Variants in NEDD9 observed in about 807,000 individuals in gnomAD.
The protein encoded by NEDD9 is enhancer of filamentation 1.
Under a neutral mutation model 76.6 loss-of-function variants are expected in NEDD9, and 26 were observed. The ratio of observed to expected loss-of-function variants is 0.34; its 90% CI spans 0.25 to 0.47. The LOEUF (loss-of-function observed/expected upper bound fraction) is 0.47. NEDD9 is among the 20% of genes least tolerant of loss of function. NEDD9 has a pLI of 1.00. For missense variants in NEDD9, 937 were observed against 1,058.5 expected (o/e 0.89, Z 1.59); for synonymous variants, 392 against 414.2 (o/e 0.95, Z 0.65).
Position 11,185,437 on chromosome 6 carries a change from CCACGAAGATT to C in NEDD9, c.2220_2229del (p.Ile741HisfsTer20). On this transcript the variant is annotated frameshift_variant, in exon 7 of 7. Coordinates refer to ENST00000379446, the MANE Select transcript of NEDD9 (RefSeq NM_006403.4). LOFTEE classifies it high-confidence loss of function. ...CTGAGGATGACAAACTTGCTGTGTG[CCACGAAGATT>C]CGCGGGGGCTGGGCTGAGCTGACAC... 1 of 1,614,218 alleles carries C rather than the reference CCACGAAGATT, an allele frequency of 6.2e-7. No homozygotes were observed. The highest frequency in any genetic ancestry group is 8.5e-7 in the Non-Finnish European group (1 of 1,180,048).
intron 1 of NEDD9, among the ~76,000 whole-genome samples, chr6:11,373,043 A>C (rs1389455572): frequency 6.6e-6 from 1 of 152,208 alleles, no homozygotes; most frequent in Non-Finnish European, 1.5e-5. Flanking sequence ...CAGTTACTTA[A>C]AGCTAACAAA....
chr6:11,296,625 T>TCTTCCTTC (rs199739663), intron 3 of NEDD9, among the ~76,000 whole-genome samples: 1 of 148,022 alleles, frequency 6.8e-6, no homozygotes, highest in East Asian at 2.0e-4. Flanking sequence ...TTCCTTTCTT[T>TCTTCCTTC]CTTCCTTCCT....
chr6:11,300,938 C>G (rs1230247387), intron 3 of NEDD9, among the ~76,000 whole-genome samples: 1 of 152,176 alleles, frequency 6.6e-6, no homozygotes, highest in African/African-American at 2.4e-5. Flanking sequence ...ACCATTGATG[C>G]TATGAAGAAA....
At chr6:11,238,339 C>G (rs1199749285) in intron 3 of NEDD9, among the ~76,000 whole-genome samples, 1 of 152,224 alleles carries the variant, frequency 6.6e-6, no homozygotes, top group Non-Finnish European at 1.5e-5. Flanking sequence ...CTGTGTGGCC[C>G]TGACCATGGA....
chr6:11,331,049 G>A (rs1762026705), intron 2 of NEDD9, among the ~76,000 whole-genome samples: 1 of 152,162 alleles, frequency 6.6e-6, no homozygotes, highest in South Asian at 2.1e-4. Flanking sequence ...ACCTACCCAT[G>A]TTTCTAGAGA....
intron 3 of NEDD9, among the ~76,000 whole-genome samples, chr6:11,272,512 G>A (rs769203290): frequency 1.3e-5 from 2 of 152,238 alleles, no homozygotes; most frequent in Admixed American, 1.3e-4. Context: ...GGTAGGATGT[G>A]TGAGCAAAAG....
In NEDD9 at chr6:11,237,960, T is replaced by C. The variant is rs1041181240; in HGVS notation, c.13-24233A>G. On this transcript the variant is annotated intron_variant, in intron 3 of 3. Coordinates refer to the NEDD9 transcript ENST00000397378. The surrounding 1 kb of genome is among the most constrained non-coding windows in gnomAD (Gnocchi z 4.9). ...TTTATCATTTCTAGTTTGACATTAGTTTTTAAAAACAATCTACATATACCA... is the reference window on the plus strand; with the variant it reads ...TTTATCATTTCTAGTTTGACATTAGCTTTTAAAAACAATCTACATATACCA... Among the ~76,000 whole-genome samples the C allele has an allele frequency of 6.6e-6, 1 of 152,180 alleles. No individual in the cohort carries two copies.
chr6:11,342,138 CT>C (rs1279559558), intron 1 of NEDD9, among the ~76,000 whole-genome samples: 4 of 151,706 alleles, frequency 2.6e-5, no homozygotes, highest in Non-Finnish European at 5.9e-5. Flanking sequence ...AATATCAAAT[CT>C]GAAGAACAGA....
At chr6:11,306,438 T>C (rs1246778710) in intron 2 of NEDD9, among the ~76,000 whole-genome samples, 1 of 152,206 alleles carries the variant, frequency 6.6e-6, no homozygotes, top group East Asian at 1.9e-4. Context: ...TGTTACATCA[T>C]TTCGGGTCAA....
At chr6:11,336,027 C>T (rs1762152231) in intron 1 of NEDD9, among the ~76,000 whole-genome samples, 1 of 152,204 alleles carries the variant, frequency 6.6e-6, no homozygotes, top group African/African-American at 2.4e-5. Context: ...TGTCTGGGCT[C>T]CCCCGCTTGA....
At chr6:11,298,053 G>A (rs1760945265) in intron 3 of NEDD9, among the ~76,000 whole-genome samples, 1 of 151,914 alleles carries the variant, frequency 6.6e-6, no homozygotes. Flanking sequence ...TACTATAGGT[G>A]CGCACCACTA....
At position 11,319,348 on chromosome 6, in the gene NEDD9, T is replaced by C. The variant is rs117624096; in HGVS notation, c.-152-13193A>G. ...ACTCTCACACACCCACACACTCACA[T>C]GCACACTCACATGCACACTAACATA... On this transcript the variant is annotated intron_variant, in intron 2 of 3. Transcript: ENST00000397378. Among the ~76,000 whole-genome samples the C allele has an allele frequency of 3.9e-3, 583 of 151,346 alleles. 6 individuals are homozygous for C. In the East Asian group the frequency reaches 0.045, roughly 12 times the overall value.
intron 1 of NEDD9, among the ~76,000 whole-genome samples, chr6:11,353,519 G>A (rs907815686): frequency 2.0e-5 from 3 of 152,224 alleles, no homozygotes; most frequent in Non-Finnish European, 4.4e-5. Context: ...GGTTCAGAAA[G>A]AGCGTGGCCC....
At chr6:11,201,663 C>T (rs774326089) in intron 2 of NEDD9, among the ~76,000 whole-genome samples, 1 of 151,808 alleles carries the variant, frequency 6.6e-6, no homozygotes, top group Non-Finnish European at 1.5e-5. Context: ...ATCTATCTAT[C>T]TATGTCTATC....
chr6:11,224,055 G>C (rs1220669797), intron 1 of NEDD9, among the ~76,000 whole-genome samples: 3 of 151,854 alleles, frequency 2.0e-5, no homozygotes, highest in Non-Finnish European at 4.4e-5. Flanking sequence ...CCATTTTTTT[G>C]GTTTGTAAAA....
intron 1 of NEDD9, among the ~76,000 whole-genome samples, chr6:11,220,393 A>G (rs900260813): frequency 7.9e-5 from 12 of 152,130 alleles, no homozygotes; most frequent in African/African-American, 2.9e-4. Flanking sequence ...TGTGAACTTT[A>G]GCTATAGCAT....
chr6:11,227,621 A>C (rs552276035), intron 1 of NEDD9, among the ~76,000 whole-genome samples: 1 of 152,288 alleles, frequency 6.6e-6, no homozygotes, highest in African/African-American at 2.4e-5. Flanking sequence ...CATGTTTTTT[A>C]TTCAAGGACT....
At chr6:11,276,453 A>G (rs1220040356) in intron 3 of NEDD9, among the ~76,000 whole-genome samples, 1 of 152,070 alleles carries the variant, frequency 6.6e-6, no homozygotes, top group African/African-American at 2.4e-5. Context: ...TTCTCTCCTT[A>G]TCTAAAATGT....
intron 3 of NEDD9, among the ~76,000 whole-genome samples, chr6:11,258,334 C>A (rs1307169368): frequency 6.6e-6 from 1 of 152,168 alleles, no homozygotes; most frequent in African/African-American, 2.4e-5. Context: ...GCCCCAGCAC[C>A]CTGGCTGGCT....
Sources: gnomAD v4.1 joint callset for allele counts (sites outside exome capture counted in the v4.1 genomes callset) on GRCh38, gnomAD v4.1.1 for gene constraint, Gnocchi (gnomAD v3.1) non-coding constraint, MANE v1.5 for transcripts, NCBI Gene and HGNC (gene_info 2026-07-23, HGNC 2026-07-21) for gene names.